Variants in STK32B observed in about 807,000 individuals in gnomAD.
The protein encoded by STK32B is serine/threonine-protein kinase 32B.
STK32B carries 43 observed loss-of-function variants against 52.6 expected under a neutral mutation model. The ratio of observed to expected loss-of-function variants is 0.82; its 90% CI spans 0.64 to 1.05. The LOEUF is 1.05. Ranked by LOEUF, STK32B falls within the 50% of genes least tolerant of loss-of-function variation. The pLI is 0.00. For synonymous variants in STK32B, 238 were observed against 204.3 expected (o/e 1.17, Z -1.41); for missense variants, 621 against 534.6 (o/e 1.16, Z -1.59).
chr4:5,444,237 G>C (rs897555259), intron 6 of STK32B, among the ~76,000 whole-genome samples: 2 of 152,228 alleles, frequency 1.3e-5, no homozygotes, highest in African/African-American at 4.8e-5. Flanking sequence ...AGACTGCTGT[G>C]CTAGCAATCA....
intron 1 of STK32B, among the ~76,000 whole-genome samples, chr4:5,061,276 C>T (rs1742207380): frequency 6.6e-6 from 1 of 152,126 alleles, no homozygotes; most frequent in Non-Finnish European, 1.5e-5. Flanking sequence ...TTAAGTACAG[C>T]CATTAACTTC....
intron 1 of STK32B, among the ~76,000 whole-genome samples, chr4:5,138,890 C>G (rs1407507961): frequency 3.9e-5 from 6 of 152,038 alleles, no homozygotes; most frequent in Non-Finnish European, 1.5e-5. Flanking sequence ...TGGGAGTGAG[C>G]AGGGAAGGGA....
chr4:5,375,233 C>G (rs1735512904), intron 4 of STK32B, among the ~76,000 whole-genome samples: 2 of 152,134 alleles, frequency 1.3e-5, no homozygotes, highest in African/African-American at 2.4e-5. Flanking sequence ...CCCAGTCCTT[C>G]CAGCTCACTT....
At chr4:5,176,108 G>C (rs1577144817) in intron 3 of STK32B, among the ~76,000 whole-genome samples, 1 of 152,346 alleles carries the variant, frequency 6.6e-6, no homozygotes, top group East Asian at 1.9e-4. Flanking sequence ...GCCATGTGCG[G>C]GATATAATCT....
chr4:5,445,021 C>A (rs1255376750), intron 6 of STK32B, among the ~76,000 whole-genome samples: 1 of 152,214 alleles, frequency 6.6e-6, no homozygotes, highest in East Asian at 1.9e-4. Context: ...TTACTTCAAA[C>A]AGGAATTCAG....
chr4:5,351,879 A>C (rs1473518090), intron 4 of STK32B, among the ~76,000 whole-genome samples: 1 of 152,078 alleles, frequency 6.6e-6, no homozygotes, highest in Non-Finnish European at 1.5e-5. Flanking sequence ...GAAGACATAC[A>C]ACCTACCAAG....
chr4:5,092,639 C>CAGGGT (rs1188724295), intron 1 of STK32B, among the ~76,000 whole-genome samples: 4 of 152,136 alleles, frequency 2.6e-5, no homozygotes. Flanking sequence ...AACATAGTGG[C>CAGGGT]TTCTGCTTCT....
chr4:5,239,784 T>G (rs191972628), intron 3 of STK32B, among the ~76,000 whole-genome samples: 15 of 152,052 alleles, frequency 9.9e-5, no homozygotes, highest in East Asian at 3.9e-4. Flanking sequence ...CTGGAATGAA[T>G]GACTAAAGGT....
intron 6 of STK32B, among the ~76,000 whole-genome samples, chr4:5,425,556 A>G (rs910365959): frequency 7.2e-5 from 11 of 152,064 alleles, no homozygotes; most frequent in Middle Eastern, 3.2e-3. Context: ...TGAATAAAAC[A>G]TAAGTATTCC....
At position 5,058,034 on chromosome 4, in the gene STK32B, A is replaced by G. The variant is rs541439216; in HGVS notation, c.52+6119A>G. Among the ~76,000 whole-genome samples, 1 of 152,316 alleles carries G rather than the reference A, an allele frequency of 6.6e-6. No homozygotes were observed. Among genetic ancestry groups the G allele is most frequent in the East Asian group, 1.9e-4 (1 of 5,184 alleles). ...CCAACCAAGGAAAAGATGGATGTCA[A>G]CGTTGTTAGCAATCCTGGAGTCTTC... is the stretch of plus-strand genomic sequence containing the variant. On this transcript the variant is annotated intron_variant, in intron 1 of 11. Transcript: ENST00000282908. The surrounding 1 kb of genome is among the most constrained non-coding windows in gnomAD (Gnocchi z 4.8).
chr4:5,319,206 C>T (rs10026562), intron 3 of STK32B, among the ~76,000 whole-genome samples: 11,007 of 152,202 alleles, frequency 0.072, 421 homozygotes, highest in South Asian at 0.098. Flanking sequence ...AGGACGTAAA[C>T]ACCACAATAA....
At chr4:5,095,566 G>A (rs574103895) in intron 1 of STK32B, among the ~76,000 whole-genome samples, 10 of 152,330 alleles carry the variant, frequency 6.6e-5, no homozygotes, top group African/African-American at 2.4e-4. Context: ...AGTGAGCCGA[G>A]ATCATGCCAC....
chr4:5,316,220 ATAT>A (rs1730693412), intron 3 of STK32B, among the ~76,000 whole-genome samples: 1 of 78,684 alleles, frequency 1.3e-5, no homozygotes, highest in South Asian at 3.0e-4. Context: ...ATTACATAAT[ATAT>A]TATATATACA....
chr4:5,442,817 C>T (rs572814445), intron 6 of STK32B, among the ~76,000 whole-genome samples: 8 of 152,326 alleles, frequency 5.3e-5, no homozygotes, highest in African/African-American at 1.9e-4. Context: ...CACAATCTCT[C>T]AGCATTTGCT....
chr4:5,421,410 A>G (rs1017733638), intron 6 of STK32B, among the ~76,000 whole-genome samples: 4 of 151,784 alleles, frequency 2.6e-5, no homozygotes, highest in Non-Finnish European at 5.9e-5. Context: ...TTTTTAGTAG[A>G]GACAAGGTTT....
At chr4:5,051,997 C>G (rs1393507558) in intron 1 of STK32B, 82 bp downstream of exon 1, 1 of 1,539,400 alleles carries the variant, frequency 6.5e-7, no homozygotes, top group Non-Finnish European at 8.8e-7. Context: ...TGCGGGGCAC[C>G]GCATGCTGCC....
intron 7 of STK32B, among the ~76,000 whole-genome samples, chr4:5,451,410 G>C (rs778141071): frequency 1.1e-4 from 16 of 152,134 alleles, no homozygotes; most frequent in Non-Finnish European, 2.2e-4. Flanking sequence ...GCCAGCTGGA[G>C]GCATTTGGCT....
intron 4 of STK32B, among the ~76,000 whole-genome samples, chr4:5,347,986 CA>C (rs1194910474): frequency 6.6e-6 from 1 of 152,094 alleles, no homozygotes; most frequent in Non-Finnish European, 1.5e-5. Context: ...AGAGAGGAAA[CA>C]AAATAATGAG....
intron 4 of STK32B, among the ~76,000 whole-genome samples, chr4:5,336,988 T>C (rs75265400): frequency 0.026 from 3,943 of 152,198 alleles, 170 homozygotes; most frequent in African/African-American, 0.089. Context: ...TGTTTTTGTT[T>C]TCTGTTTCTT....
Sources: gnomAD v4.1 joint callset for allele counts (sites outside exome capture counted in the v4.1 genomes callset) on GRCh38, gnomAD v4.1.1 for gene constraint, Gnocchi (gnomAD v3.1) non-coding constraint, MANE v1.5 for transcripts, NCBI Gene and HGNC (gene_info 2026-07-23, HGNC 2026-07-21) for gene names.